The following ESR1 variants were observed in gnomAD, a reference collection of about 807,000 sequenced individuals.
ESR1 encodes estrogen receptor.
In ESR1, 12 loss-of-function variants were observed where a neutral mutation model predicts 52.7. That is an observed-to-expected ratio of 0.23 (90% confidence interval 0.15 to 0.37). The LOEUF (loss-of-function observed/expected upper bound fraction) is 0.37. Among genes scored for constraint, ESR1 ranks in the 10% least tolerant of loss-of-function variants. The pLI is 1.00. For missense variants in ESR1, 584 were observed against 779.7 expected (o/e 0.75, Z 2.99); for synonymous variants, 305 against 316.8 (o/e 0.96, Z 0.39).
At position 152,000,666 on chromosome 6, in the gene ESR1, G is replaced by A. The variant is rs191732666; in HGVS notation, c.1097-10990G>A. 1.0e-3 allele frequency among the ~76,000 whole-genome samples: 153 copies of A among 152,104 alleles called. 1 individual carries two copies. Among genetic ancestry groups the A allele is most frequent in the South Asian group, 2.1e-3 (10 of 4,816 alleles). On this transcript the variant is annotated intron_variant, in intron 4 of 7. Transcript: ENST00000206249. ...GTCATTTCAGTGACGGCACCTGCAT[G>A]TCCTTGTATCTAAGAAAAGACACCT...
intron 3 of ESR1, among the ~76,000 whole-genome samples, chr6:151,890,904 C>T (rs1794610063): frequency 6.6e-6 from 1 of 152,156 alleles, no homozygotes; most frequent in Admixed American, 6.5e-5. Context: ...CTCTTCTAGA[C>T]ATCATATAAC....
intron 2 of ESR1, among the ~76,000 whole-genome samples, chr6:151,876,885 A>C (rs1421568739): frequency 6.6e-6 from 1 of 151,762 alleles, no homozygotes; most frequent in South Asian, 2.1e-4. Context: ...CTTTGGCCCT[A>C]TGGGCTTGGT....
chr6:152,021,614 T>C (rs917131089), intron 5 of ESR1, among the ~76,000 whole-genome samples: 4 of 152,152 alleles, frequency 2.6e-5, no homozygotes, highest in African/African-American at 9.7e-5. Context: ...GACTTTATCA[T>C]TAGAAAAGGG....
At chr6:152,009,468 A>G (rs2042595343) in intron 4 of ESR1, among the ~76,000 whole-genome samples, 1 of 152,150 alleles carries the variant, frequency 6.6e-6, no homozygotes, top group Non-Finnish European at 1.5e-5. Flanking sequence ...AACACATGAA[A>G]AGATGTGCAA....
rs972998307 is a variant in ESR1, at chr6:152,053,434, A to G, written c.1236-7557A>G. 1.3e-5 allele frequency among the ~76,000 whole-genome samples: 2 copies of G among 149,130 alleles called. No individual in the cohort carries two copies. Among genetic ancestry groups the G allele is most frequent in the African/African-American group, 4.9e-5 (2 of 40,440 alleles). ...CTTCTGTCTCTCCCTCTCTCTTTCA[A>G]TCTTTCTCTCCCTCAGTCTCTCTTT... On this transcript the variant is annotated intron_variant, in intron 5 of 7. Transcript: ENST00000206249. This position sits in a 1 kb window ranked among gnomAD's most constrained non-coding sequence, Gnocchi z 4.1.
At chr6:152,114,613 C>T (rs969846157) in intron 6 of ESR1, among the ~76,000 whole-genome samples, 2 of 152,024 alleles carry the variant, frequency 1.3e-5, no homozygotes, top group African/African-American at 2.4e-5. Context: ...AAGTCAAGGC[C>T]GGGCGCGGTG....
Position 151,713,826 on chromosome 6 carries a change from T to C in ESR1, c.-71+11821T>C, listed in dbSNP as rs188908174. Reference sequence around the variant, plus strand: ...TGATTTTTTTTTGAAGTTTATTTTGTGTCTCTGTCTCCTTCAGTTCTGCTC... The same window carrying C: ...TGATTTTTTTTTGAAGTTTATTTTGCGTCTCTGTCTCCTTCAGTTCTGCTC... On this transcript the variant is annotated intron_variant, in intron 2 of 2. Coordinates refer to the ESR1 transcript ENST00000404742. 2.1e-3 allele frequency among the ~76,000 whole-genome samples: 322 copies of C among 152,304 alleles called. 1 individual carries two copies. Among genetic ancestry groups the C allele is most frequent in the Non-Finnish European group, 3.9e-3 (267 of 68,024 alleles).
chr6:151,835,126 C>T (rs1783108119), intron 1 of ESR1, among the ~76,000 whole-genome samples: 1 of 152,018 alleles, frequency 6.6e-6, no homozygotes, highest in South Asian at 2.1e-4. Flanking sequence ...AGGAAGGGTG[C>T]TCTAGGCACA....
At chr6:151,771,725 G>A (rs1016667098) in intron 2 of ESR1, among the ~76,000 whole-genome samples, 1 of 151,976 alleles carries the variant, frequency 6.6e-6, no homozygotes, top group African/African-American at 2.4e-5. Flanking sequence ...TTACCCCTGG[G>A]GAGTGAGGTT....
At chr6:152,069,324 C>T (rs1448343376) in intron 6 of ESR1, among the ~76,000 whole-genome samples, 2 of 136,312 alleles carry the variant, frequency 1.5e-5, no homozygotes, top group African/African-American at 3.3e-5. Flanking sequence ...GTCAGTTCCT[C>T]GGAGGGGGTC....
chr6:151,944,529 T>G (rs1490821238), intron 4 of ESR1, 21 bp downstream of exon 4: 9 of 1,606,122 alleles, frequency 5.6e-6, no homozygotes, highest in Middle Eastern at 1.7e-4. Context: ...GAAGCGCAGC[T>G]TTTAAGAGTC....
chr6:151,962,541 T>C (rs1289089597), intron 4 of ESR1, among the ~76,000 whole-genome samples: 1 of 152,170 alleles, frequency 6.6e-6, no homozygotes, highest in African/African-American at 2.4e-5. Context: ...ACAAACTAAA[T>C]AGCGATAGAG....
chr6:151,859,284 A>G (rs140303520), intron 2 of ESR1, among the ~76,000 whole-genome samples: 5 of 152,378 alleles, frequency 3.3e-5, no homozygotes, highest in African/African-American at 1.2e-4. Context: ...TTTACAAATT[A>G]TAGATCAAAT....
chr6:152,006,014 G>A (rs976677542), intron 4 of ESR1, among the ~76,000 whole-genome samples: 8 of 152,014 alleles, frequency 5.3e-5, no homozygotes, highest in African/African-American at 1.7e-4. Flanking sequence ...ATGGGATGGG[G>A]GTCAGGGTGA....
At chr6:152,087,433 C>G (rs1208196968) in intron 6 of ESR1, among the ~76,000 whole-genome samples, 1 of 152,148 alleles carries the variant, frequency 6.6e-6, no homozygotes, top group Non-Finnish European at 1.5e-5. Flanking sequence ...AGGACACCTA[C>G]TATAACAATA....
intron 1 of ESR1, among the ~76,000 whole-genome samples, chr6:151,821,380 A>G (rs1398508113): frequency 1.3e-5 from 2 of 152,228 alleles, no homozygotes; most frequent in Non-Finnish European, 2.9e-5. Context: ...GGTTCACGTG[A>G]GAATTTTTAA....
chr6:151,867,592 C>A (rs1483610782), intron 2 of ESR1, among the ~76,000 whole-genome samples: 1 of 152,160 alleles, frequency 6.6e-6, no homozygotes. Flanking sequence ...ATCAAAACCA[C>A]AATGACATAC....
intron 2 of ESR1, among the ~76,000 whole-genome samples, chr6:151,792,406 C>T (rs1776252865): frequency 6.6e-6 from 1 of 151,908 alleles, no homozygotes; most frequent in Non-Finnish European, 1.5e-5. Flanking sequence ...AATAAGTGAA[C>T]ATTAGCTTAC....
At chr6:151,774,216 T>A (rs2128111477) in intron 2 of ESR1, among the ~76,000 whole-genome samples, 1 of 152,358 alleles carries the variant, frequency 6.6e-6, no homozygotes, top group East Asian at 1.9e-4. Flanking sequence ...AGATGGGGAA[T>A]GCCACTCAAT....
Sources: allele counts gnomAD v4.1 joint callset (sites outside exome capture counted in the v4.1 genomes callset), GRCh38; gene constraint gnomAD v4.1.1; non-coding constraint Gnocchi (gnomAD v3.1); transcripts MANE v1.5; gene names NCBI Gene and HGNC (gene_info 2026-07-23, HGNC 2026-07-21).